C1QTNF7: variants seen among roughly 807,000 people sequenced by gnomAD.
C1QTNF7 encodes C1q and TNF related 7.
A neutral mutation model predicts 19.6 loss-of-function variants in C1QTNF7; 15 were observed. The ratio of observed to expected loss-of-function variants is 0.76; its 90% confidence interval spans 0.51 to 1.18. The LOEUF is 1.18. Among genes scored for constraint, C1QTNF7 ranks in the 50% most tolerant of loss-of-function variants. The probability of loss-of-function intolerance (pLI) is 0.00; values close to 1 mark genes in which losing one functional copy is unlikely to be tolerated. For synonymous variants in C1QTNF7, 142 were observed against 137.5 expected, an observed-to-expected ratio of 1.03 and a Z score of -0.23; for missense variants, 324 against 359.7, an observed-to-expected ratio of 0.90 and a Z score of 0.80.
At chr4:15,408,141 C>T (rs1282903119) in intron 1 of C1QTNF7, among the ~76,000 whole-genome samples, 9 of 151,580 alleles carry the variant, frequency 5.9e-5, no homozygotes, top group Admixed American at 1.3e-4. Flanking sequence ...AGCATGGTGG[C>T]GCACGCCTGT....
intron 1 of C1QTNF7, among the ~76,000 whole-genome samples, chr4:15,408,009 CT>C (rs1309803419): frequency 6.6e-6 from 1 of 152,152 alleles, no homozygotes; most frequent in Non-Finnish European, 1.5e-5. Flanking sequence ...TGGCTCACGC[CT>C]GTAATCCCAG....
chr4:15,383,345 G>A (rs529524965), intron 1 of C1QTNF7, among the ~76,000 whole-genome samples: 1 of 152,188 alleles, frequency 6.6e-6, no homozygotes, highest in African/African-American at 2.4e-5. Flanking sequence ...GATTCACATG[G>A]CCCCCAAAAT....
intron 1 of C1QTNF7, among the ~76,000 whole-genome samples, chr4:15,429,337 C>G (rs1179241884): frequency 6.6e-6 from 1 of 152,180 alleles, no homozygotes; most frequent in African/African-American, 2.4e-5. Flanking sequence ...TCCAGGACTT[C>G]TTCGTCTTCC....
intron 1 of C1QTNF7, 101 bp from the exon 2 acceptor site, chr4:15,435,635 G>C (rs1472295710): frequency 8.6e-6 from 13 of 1,507,484 alleles, no homozygotes; most frequent in Non-Finnish European, 1.2e-5. Flanking sequence ...GGAGTGATTT[G>C]TTGCAAATGC....
At chr4:15,342,653 G>A (rs73230954) in intron 1 of C1QTNF7, among the ~76,000 whole-genome samples, 10 of 152,276 alleles carry the variant, frequency 6.6e-5, no homozygotes, top group South Asian at 2.1e-4. Context: ...GGCAGAGGCC[G>A]GCAGGCAAAG....
upstream of C1QTNF7, among the ~76,000 whole-genome samples, chr4:15,423,196 G>A (rs1711865705): frequency 6.6e-6 from 1 of 152,152 alleles, no homozygotes; most frequent in Non-Finnish European, 1.5e-5. Flanking sequence ...ACTTCTTACT[G>A]AATCTGGCTT....
intron 1 of C1QTNF7, among the ~76,000 whole-genome samples, chr4:15,341,780 C>T (rs1288781329): frequency 6.6e-6 from 1 of 152,206 alleles, no homozygotes; most frequent in Admixed American, 6.5e-5. Context: ...CGGGGCCCCA[C>T]CCATGACCTC....
At chr4:15,410,159 G>A (rs1000709176) in intron 1 of C1QTNF7, among the ~76,000 whole-genome samples, 3 of 152,186 alleles carry the variant, frequency 2.0e-5, no homozygotes, top group African/African-American at 7.2e-5. Context: ...TTATAAATGT[G>A]TGCAGTCATA....
At chr4:15,417,993 G>A (rs890046409) in intron 1 of C1QTNF7, among the ~76,000 whole-genome samples, 9 of 152,078 alleles carry the variant, frequency 5.9e-5, no homozygotes, top group Middle Eastern at 3.2e-3. Context: ...CTCCTACCAG[G>A]CCCCATCTCC....
At chr4:15,343,848 A>T (rs1716629009) in intron 1 of C1QTNF7, among the ~76,000 whole-genome samples, 1 of 152,220 alleles carries the variant, frequency 6.6e-6, no homozygotes, top group Non-Finnish European at 1.5e-5. Flanking sequence ...ACCAGGTCAC[A>T]AGGTGGGTGT....
At chr4:15,403,637 C>A (rs960628024) in intron 1 of C1QTNF7, among the ~76,000 whole-genome samples, 2 of 152,148 alleles carry the variant, frequency 1.3e-5, no homozygotes, top group Non-Finnish European at 2.9e-5. Context: ...GATCTCATCT[C>A]AAGATCCTTA....
At chr4:15,375,690 C>T (rs1005673037) in intron 1 of C1QTNF7, among the ~76,000 whole-genome samples, 2 of 152,128 alleles carry the variant, frequency 1.3e-5, no homozygotes, top group African/African-American at 4.8e-5. Flanking sequence ...GTCCCGAGTC[C>T]TCACACTCTG....
At chr4:15,391,966 G>C (rs1267801507) in intron 1 of C1QTNF7, among the ~76,000 whole-genome samples, 1 of 152,180 alleles carries the variant, frequency 6.6e-6, no homozygotes, top group Non-Finnish European at 1.5e-5. Context: ...GAGAGAGAGA[G>C]AGGAAGGGAG....
chr4:15,412,007 C>T (rs1412482359), intron 1 of C1QTNF7, among the ~76,000 whole-genome samples: 2 of 152,124 alleles, frequency 1.3e-5, no homozygotes, highest in African/African-American at 4.8e-5. Flanking sequence ...CACATTACCA[C>T]CTGAGCTTCA....
At chr4:15,379,967 TGATGTCCA>T (rs1718079547) in intron 1 of C1QTNF7, among the ~76,000 whole-genome samples, 1 of 152,196 alleles carries the variant, frequency 6.6e-6, no homozygotes, top group Non-Finnish European at 1.5e-5. Flanking sequence ...TTGGTTGAAG[TGATGTCCA>T]GATTGTCTGG....
At chr4:15,393,874 T>C (rs185198769) in intron 1 of C1QTNF7, among the ~76,000 whole-genome samples, 238 of 152,258 alleles carry the variant, frequency 1.6e-3, no homozygotes, top group Non-Finnish European at 2.6e-3. Flanking sequence ...AGACAGAAAC[T>C]CTGTTCCCAC....
intron 1 of C1QTNF7, among the ~76,000 whole-genome samples, chr4:15,433,797 G>A (rs1457387664): frequency 6.6e-6 from 1 of 152,156 alleles, no homozygotes; most frequent in Non-Finnish European, 1.5e-5. Context: ...GGCCCCCTGA[G>A]GAAGGGCTTT....
intron 1 of C1QTNF7, among the ~76,000 whole-genome samples, chr4:15,378,436 A>T (rs1315862653): frequency 6.6e-6 from 1 of 152,236 alleles, no homozygotes; most frequent in Non-Finnish European, 1.5e-5. Flanking sequence ...AGAAAGAAAA[A>T]AATCTCTGAA....
chr4:15,365,910 C>G (rs1717502064), intron 1 of C1QTNF7, among the ~76,000 whole-genome samples: 1 of 152,154 alleles, frequency 6.6e-6, no homozygotes, highest in African/African-American at 2.4e-5. Context: ...GTGGACCTAT[C>G]ACCTCAGGGG....
Sources: gnomAD v4.1 joint callset for allele counts (sites outside exome capture counted in the v4.1 genomes callset) on GRCh38, gnomAD v4.1.1 for gene constraint, MANE v1.5 for transcripts, NCBI Gene and HGNC (gene_info 2026-07-23, HGNC 2026-07-21) for gene names.